The following NXPH1 variants were observed in gnomAD, a reference collection of about 807,000 sequenced individuals.
NXPH1 encodes the protein neurexophilin-1.
In NXPH1, 5 loss-of-function variants were observed where a neutral mutation model predicts 23.7. The observed-to-expected ratio is 0.21, with a 90% CI of 0.11 to 0.44. The LOEUF (loss-of-function observed/expected upper bound fraction) is 0.44. NXPH1 is among the 20% of genes least tolerant of loss of function. The pLI, the probability that NXPH1 is intolerant of heterozygous loss-of-function variation, is 0.99. For missense variants in NXPH1, 324 were observed against 321.6 expected, an observed-to-expected ratio of 1.01 and a Z score of -0.06; for synonymous variants, 144 against 122.2, an observed-to-expected ratio of 1.18 and a Z score of -1.18.
chr7:8,576,648 C>T (rs1240822540), intron 2 of NXPH1, among the ~76,000 whole-genome samples: 4 of 151,620 alleles, frequency 2.6e-5, no homozygotes, highest in African/African-American at 7.3e-5. Context: ...GGGACCAGAT[C>T]GTACATGACT....
At chr7:8,654,076 G>A (rs1583215786) in intron 2 of NXPH1, among the ~76,000 whole-genome samples, 1 of 152,104 alleles carries the variant, frequency 6.6e-6, no homozygotes, top group South Asian at 2.1e-4. Context: ...CTGGCTAGCA[G>A]GACAGCAGAA....
intron 2 of NXPH1, among the ~76,000 whole-genome samples, chr7:8,539,386 T>G (rs1475849228): frequency 6.6e-6 from 1 of 151,844 alleles, no homozygotes; most frequent in Non-Finnish European, 1.5e-5. Flanking sequence ...TGTCTTTTCT[T>G]GTAAGCATTT....
At chr7:8,488,683 G>A (rs191315298) in intron 2 of NXPH1, among the ~76,000 whole-genome samples, 5 of 152,088 alleles carry the variant, frequency 3.3e-5, no homozygotes, top group South Asian at 2.1e-4. Flanking sequence ...TTCTGACCTA[G>A]ATCAATCACC....
intron 2 of NXPH1, among the ~76,000 whole-genome samples, chr7:8,473,172 G>C (rs1393049056): frequency 1.3e-5 from 2 of 152,116 alleles, no homozygotes; most frequent in Admixed American, 6.5e-5. Flanking sequence ...ACACCTTTCA[G>C]ATTAATTCTT....
chr7:8,616,282 C>A (rs77423823), intron 2 of NXPH1, among the ~76,000 whole-genome samples: 1 of 151,600 alleles, frequency 6.6e-6, no homozygotes, highest in African/African-American at 2.4e-5. Flanking sequence ...GTTCTCTGCC[C>A]AAACACTTTC....
At chr7:8,546,290 G>T (rs1436626893) in intron 2 of NXPH1, among the ~76,000 whole-genome samples, 1 of 151,316 alleles carries the variant, frequency 6.6e-6, no homozygotes, top group African/African-American at 2.4e-5. Flanking sequence ...ACTGAGTTCG[G>T]GAGAGAAAGT....
intron 2 of NXPH1, among the ~76,000 whole-genome samples, chr7:8,437,330 G>C (rs1050941371): frequency 4.2e-5 from 6 of 142,856 alleles, no homozygotes; most frequent in Admixed American, 1.4e-4. Flanking sequence ...AGAAAGTTTG[G>C]CCAGAAGAAA....
At chr7:8,670,508 T>G (rs370407729) in intron 2 of NXPH1, among the ~76,000 whole-genome samples, 57 of 152,350 alleles carry the variant, frequency 3.7e-4, no homozygotes, top group African/African-American at 1.3e-3. Context: ...AAGCTTCTCA[T>G]GTAAACTCGT....
chr7:8,729,954 A>G (rs1363293721), intron 2 of NXPH1, among the ~76,000 whole-genome samples: 1 of 143,264 alleles, frequency 7.0e-6, no homozygotes, highest in Non-Finnish European at 1.5e-5. Flanking sequence ...AAAGTCTCCC[A>G]TTATTAATGT....
Position 8,434,447 on chromosome 7 carries a change from C to A in NXPH1, c.-419C>A, listed in dbSNP as rs1386355969. The A allele has an allele frequency of 6.5e-6, 1 of 153,770 alleles. No individual in the cohort carries two copies. The highest frequency in any genetic ancestry group is 2.4e-5 in the African/African-American group (1 of 41,460). 9.5% of individuals were successfully genotyped at this position (153,770 alleles called of 1,614,324 possible). Reference sequence around the variant, plus strand: ...CTCTCCCTCCCTCTTGCTCTCCCTCCCTTTCTGTCTTCCTCTCTTTCCTCC... The same window carrying A: ...CTCTCCCTCCCTCTTGCTCTCCCTCACTTTCTGTCTTCCTCTCTTTCCTCC... On this transcript the variant is annotated 5_prime_UTR_variant, in exon 1 of 3. Coordinates refer to ENST00000405863, the MANE Select transcript of NXPH1 (RefSeq NM_152745.3). This position sits in a 1 kb window ranked among gnomAD's most constrained non-coding sequence, Gnocchi z 7.6.
intron 2 of NXPH1, among the ~76,000 whole-genome samples, chr7:8,647,670 G>A (rs1344456551): frequency 6.6e-6 from 1 of 151,504 alleles, no homozygotes; most frequent in African/African-American, 2.4e-5. Context: ...TTGGAATTAT[G>A]TTCAATTCCA....
At chr7:8,560,048 C>T (rs10274740) in intron 2 of NXPH1, among the ~76,000 whole-genome samples, 2,499 of 151,760 alleles carry the variant, frequency 0.016, 68 homozygotes, top group African/African-American at 0.056. Context: ...CAAAGAAGGA[C>T]TCCTTTTCAT....
At chr7:8,522,086 G>T (rs1817781635) in intron 2 of NXPH1, among the ~76,000 whole-genome samples, 1 of 152,178 alleles carries the variant, frequency 6.6e-6, no homozygotes, top group African/African-American at 2.4e-5. Flanking sequence ...GGTAGTTATT[G>T]TTCTTAAGAG....
chr7:8,740,521 C>T (rs541863399), intron 2 of NXPH1, among the ~76,000 whole-genome samples: 2 of 152,260 alleles, frequency 1.3e-5, no homozygotes, highest in South Asian at 2.1e-4. Flanking sequence ...GCATTTAGAC[C>T]TATGATCTCT....
At chr7:8,457,520 C>T (rs907392532) in intron 2 of NXPH1, among the ~76,000 whole-genome samples, 3 of 148,788 alleles carry the variant, frequency 2.0e-5, no homozygotes, top group Non-Finnish European at 4.4e-5. Context: ...TGGTAGAATG[C>T]TTTTCATTGC....
At chr7:8,540,410 T>C (rs1818095845) in intron 2 of NXPH1, among the ~76,000 whole-genome samples, 2 of 151,788 alleles carry the variant, frequency 1.3e-5, no homozygotes, top group African/African-American at 4.8e-5. Context: ...CACTGAAAGA[T>C]AGTGAATCCC....
intron 2 of NXPH1, among the ~76,000 whole-genome samples, chr7:8,491,780 C>T (rs1817251802): frequency 6.6e-6 from 1 of 152,086 alleles, no homozygotes; most frequent in South Asian, 2.1e-4. Flanking sequence ...TATCTACATT[C>T]ATTTTCCAAG....
chr7:8,734,001 T>G (rs1366663685), intron 2 of NXPH1, among the ~76,000 whole-genome samples: 1 of 152,082 alleles, frequency 6.6e-6, no homozygotes, highest in Admixed American at 6.6e-5. Flanking sequence ...GTTTTTATGG[T>G]TTTAGATCTT....
intron 2 of NXPH1, among the ~76,000 whole-genome samples, chr7:8,602,233 T>C (rs778040319): frequency 3.9e-5 from 6 of 152,212 alleles, no homozygotes; most frequent in Non-Finnish European, 7.3e-5. Flanking sequence ...ATATTTAAAA[T>C]AGTTTTGTAA....
Sources: allele counts gnomAD v4.1 joint callset (sites outside exome capture counted in the v4.1 genomes callset), GRCh38; gene constraint gnomAD v4.1.1; non-coding constraint Gnocchi (gnomAD v3.1); transcripts MANE v1.5; gene names NCBI Gene and HGNC (gene_info 2026-07-23, HGNC 2026-07-21).